LRRC37A2: variants seen among roughly 807,000 people sequenced by gnomAD.
LRRC37A2 encodes leucine-rich repeat-containing protein 37A2.
In LRRC37A2, 9 loss-of-function variants were observed where a neutral mutation model predicts 68.8. The ratio of observed to expected loss-of-function variants is 0.13; its 90% confidence interval spans 0.08 to 0.23. The LOEUF is 0.23. Ranked by LOEUF, LRRC37A2 falls within the 10% of genes least tolerant of loss-of-function variation. LRRC37A2 has a pLI of 1.00. For missense variants in LRRC37A2, 168 were observed against 950.4 expected, an observed-to-expected ratio of 0.18 and a Z score of 10.82; for synonymous variants, 63 against 367.6, an observed-to-expected ratio of 0.17 and a Z score of 9.48.
At chr17:46,923,292 A>G in the LRRC37A2 span, 1 of 1,548,872 alleles carries the variant, frequency 6.5e-7, no homozygotes, top group Non-Finnish European at 8.7e-7. Context: ...TCTGGGGCTG[A>G]GGCCTCGGAC....
chr17:46,491,403 AG>A, the LRRC37A2 span, among the ~76,000 whole-genome samples: 3 of 142,216 alleles, frequency 2.1e-5, no homozygotes, highest in Non-Finnish European at 3.0e-5. Context: ...TGTTTCTTGT[AG>A]CTTTTGCTTT....
chr17:46,923,529 A>G, the LRRC37A2 span: 4 of 1,347,564 alleles, frequency 3.0e-6, no homozygotes, highest in Middle Eastern at 2.7e-4. Context: ...TTTGTCCAGC[A>G]CTTGTCAACT....
chr17:46,865,814 G>A, the LRRC37A2 span, among the ~76,000 whole-genome samples: 9 of 152,054 alleles, frequency 5.9e-5, no homozygotes, highest in Non-Finnish European at 7.4e-5. Flanking sequence ...TCTCACTTAC[G>A]TTGCCCAGGC....
At chr17:46,902,969 G>C in the LRRC37A2 span, among the ~76,000 whole-genome samples, 1 of 152,150 alleles carries the variant, frequency 6.6e-6, no homozygotes, top group Non-Finnish European at 1.5e-5. Flanking sequence ...CTGCAGAAAG[G>C]TCTCCTTTCT....
the LRRC37A2 span, chr17:47,027,626 T>C: frequency 8.4e-7 from 1 of 1,197,360 alleles, no homozygotes; most frequent in South Asian, 1.2e-5. Context: ...TTTTGAAGTT[T>C]ATGTAAGTTA....
chr17:46,872,808 G>A, the LRRC37A2 span: 1 of 1,481,484 alleles, frequency 6.7e-7, no homozygotes, highest in Non-Finnish European at 9.3e-7. Flanking sequence ...GGAGGGCTGG[G>A]GGAAGAAGCC....
chr17:46,915,754 C>T, the LRRC37A2 span, among the ~76,000 whole-genome samples: 1 of 152,200 alleles, frequency 6.6e-6, no homozygotes, highest in Non-Finnish European at 1.5e-5. Flanking sequence ...GGCCAAATGC[C>T]CTGAGGCGGT....
At chr17:46,784,836 C>T in the LRRC37A2 span, among the ~76,000 whole-genome samples, 30 of 149,480 alleles carry the variant, frequency 2.0e-4, no homozygotes, top group Admixed American at 1.0e-3. Flanking sequence ...AGTGCAGTGG[C>T]GCGATCTCGG....
the LRRC37A2 span, among the ~76,000 whole-genome samples, chr17:46,887,573 T>C: frequency 6.6e-6 from 1 of 152,158 alleles, no homozygotes. Flanking sequence ...GAGACCAGCT[T>C]GGCCAACATG....
chr17:46,932,106 G>C, the LRRC37A2 span: 1 of 1,613,704 alleles, frequency 6.2e-7, no homozygotes, highest in East Asian at 2.2e-5. Flanking sequence ...AGCACCTGCA[G>C]ACTGCGCTCA....
At chr17:46,980,861 A>T in the LRRC37A2 span, among the ~76,000 whole-genome samples, 8 of 152,110 alleles carry the variant, frequency 5.3e-5, no homozygotes, top group South Asian at 2.1e-4. Context: ...TAAAATAAAA[A>T]AAGAAAAAAA....
chr17:46,745,388 A>G, the LRRC37A2 span, among the ~76,000 whole-genome samples: 2 of 152,262 alleles, frequency 1.3e-5, no homozygotes, highest in South Asian at 2.1e-4. Flanking sequence ...TGCCTGGGTC[A>G]TGACCTCTTT....
the LRRC37A2 span, chr17:46,935,292 A>T: frequency 6.4e-7 from 1 of 1,571,162 alleles, no homozygotes; most frequent in East Asian, 2.3e-5. Flanking sequence ...GACAAGACAG[A>T]GCCCTTGAGT....
the LRRC37A2 span, among the ~76,000 whole-genome samples, chr17:46,750,920 G>T: frequency 6.7e-6 from 1 of 150,368 alleles, no homozygotes; most frequent in Non-Finnish European, 1.5e-5. Context: ...TTAATTTTTT[G>T]AAAATGACAG....
At chr17:46,952,380 CATAGACACTGCTGGTT>C in the LRRC37A2 span, among the ~76,000 whole-genome samples, 69 of 152,318 alleles carry the variant, frequency 4.5e-4, no homozygotes, top group African/African-American at 1.5e-3. Flanking sequence ...CTGGAATTCC[CATAGACACTGCTGGTT>C]TCCTGACCAA....
At chr17:46,685,258 A>G in the LRRC37A2 span, among the ~76,000 whole-genome samples, 8 of 147,222 alleles carry the variant, frequency 5.4e-5, no homozygotes, top group Non-Finnish European at 8.9e-5. Context: ...TAAAGTTGCA[A>G]GCAATTTAAA....
At chr17:46,934,654 A>G in the LRRC37A2 span, among the ~76,000 whole-genome samples, 1 of 152,258 alleles carries the variant, frequency 6.6e-6, no homozygotes, top group Non-Finnish European at 1.5e-5. Flanking sequence ...AGGGGAAGCC[A>G]TGGAAAGGAA....
the LRRC37A2 span, chr17:47,018,842 G>A: frequency 5.3e-6 from 8 of 1,520,406 alleles, no homozygotes; most frequent in Non-Finnish European, 7.3e-6. Flanking sequence ...TGGATCTGGG[G>A]TTTACCATCA....
the LRRC37A2 span, among the ~76,000 whole-genome samples, chr17:46,731,988 C>T: frequency 2.0e-5 from 3 of 152,122 alleles, no homozygotes; most frequent in Non-Finnish European, 4.4e-5. Flanking sequence ...GAATATTAGT[C>T]ATTGTAAAAT....
Sources: gnomAD v4.1 joint callset for allele counts (sites outside exome capture counted in the v4.1 genomes callset) on GRCh38, gnomAD v4.1.1 for gene constraint, MANE v1.5 for transcripts, NCBI Gene and HGNC (gene_info 2026-07-23, HGNC 2026-07-21) for gene names.